OSBPL9: variants seen among roughly 807,000 people sequenced by gnomAD.
OSBPL9 encodes the protein oxysterol-binding protein-related protein 9.
A neutral mutation model predicts 106.6 loss-of-function variants in OSBPL9; 40 were observed. The observed-to-expected ratio is 0.38, with a 90% CI of 0.29 to 0.49. The LOEUF is 0.49. OSBPL9 is among the 20% of genes least tolerant of loss of function. OSBPL9 has a pLI of 0.97. For synonymous variants in OSBPL9, 269 were observed against 295.4 expected (o/e 0.91, Z 0.92); for missense variants, 609 against 887.2 (o/e 0.69, Z 3.98).
upstream of OSBPL9, among the ~76,000 whole-genome samples, chr1:51,573,368 C>CATGGT (rs1645163208): frequency 6.8e-6 from 1 of 147,306 alleles, no homozygotes; most frequent in South Asian, 2.2e-4. Context: ...ATTAGCCGGG[C>CATGGT]ATGGTAGTGC....
intron 3 of OSBPL9, among the ~76,000 whole-genome samples, chr1:51,687,347 A>C (rs1654024612): frequency 1.3e-5 from 2 of 152,238 alleles, no homozygotes; most frequent in Admixed American, 6.5e-5. Context: ...TAACAACCCA[A>C]AAGATAACTA....
intron 1 of OSBPL9, among the ~76,000 whole-genome samples, chr1:51,618,341 C>T (rs1281416900): frequency 2.6e-5 from 4 of 152,052 alleles, no homozygotes; most frequent in Admixed American, 2.6e-4. Context: ...TTTTGACTAT[C>T]CCCTCCACCC....
the OSBPL9 span, among the ~76,000 whole-genome samples, chr1:51,519,637 GTTAC>G: frequency 6.6e-6 from 1 of 152,182 alleles, no homozygotes; most frequent in East Asian, 1.9e-4. Flanking sequence ...TAGAGGCCCA[GTTAC>G]TTACAAAGAC....
chr1:51,519,459 C>T, the OSBPL9 span: 1 of 173,216 alleles, frequency 5.8e-6, no homozygotes, highest in African/African-American at 2.4e-5. Flanking sequence ...GCCGGAGTCT[C>T]GGCCACCGGA....
the OSBPL9 span, among the ~76,000 whole-genome samples, chr1:51,540,083 TC>T: frequency 6.6e-6 from 1 of 152,206 alleles, no homozygotes. Context: ...TTCTTTTAAA[TC>T]CCCTATTCTG....
chr1:51,597,358 A>G (rs1284154434), intron 1 of OSBPL9, among the ~76,000 whole-genome samples: 1 of 151,794 alleles, frequency 6.6e-6, no homozygotes, highest in Admixed American at 6.6e-5. Flanking sequence ...TCAAGTACAC[A>G]GTTAAAATAT....
At chr1:51,781,548 A>G (rs1290623622) in intron 16 of OSBPL9, 1 of 505,610 alleles carries the variant, frequency 2.0e-6, no homozygotes, top group African/African-American at 1.9e-5. Context: ...CAGATCTTGC[A>G]AGGTCTTGTA....
At chr1:51,649,800 A>C (rs757193261) in intron 1 of OSBPL9, among the ~76,000 whole-genome samples, 4 of 144,454 alleles carry the variant, frequency 2.8e-5, no homozygotes, top group Admixed American at 1.4e-4. Context: ...GTAGAATGTC[A>C]CACATTCTGG....
At chr1:51,745,321 CT>C (rs1003858491) in intron 4 of OSBPL9, 1 of 553,044 alleles carries the variant, frequency 1.8e-6, no homozygotes, top group African/African-American at 2.0e-5. Context: ...GCATGTGTAA[CT>C]GCTGAGAAGG....
At chr1:51,587,226 G>A (rs970544854) in intron 1 of OSBPL9, among the ~76,000 whole-genome samples, 3 of 152,196 alleles carry the variant, frequency 2.0e-5, no homozygotes, top group Non-Finnish European at 4.4e-5. Context: ...TTAGCTAGGC[G>A]TGGTGGCATG....
At chr1:51,527,330 G>GTGGTGA in the OSBPL9 span, among the ~76,000 whole-genome samples, 371 of 110,262 alleles carry the variant, frequency 3.4e-3, 4 homozygotes, top group South Asian at 0.026. Context: ...AATGATGATG[G>GTGGTGA]TGATGATGAT....
intron 1 of OSBPL9, among the ~76,000 whole-genome samples, chr1:51,628,508 C>T (rs577722098): frequency 2.0e-5 from 3 of 151,464 alleles, no homozygotes; most frequent in East Asian, 3.9e-4. Context: ...TGCTTGAACC[C>T]GGGAGGTGAA....
chr1:51,646,567 G>A (rs1646167424), intron 1 of OSBPL9, among the ~76,000 whole-genome samples: 1 of 151,962 alleles, frequency 6.6e-6, no homozygotes, highest in African/African-American at 2.4e-5. Flanking sequence ...TTTTTGAGAC[G>A]GAGTTTTGCT....
chr1:51,605,708 C>T (rs1187349634), intron 2 of OSBPL9, among the ~76,000 whole-genome samples: 1 of 152,048 alleles, frequency 6.6e-6, no homozygotes, highest in East Asian at 1.9e-4. Context: ...CTCAGCCGGG[C>T]ACAGTGACTC....
Position 51,789,205 on chromosome 1 carries a change from A to G in OSBPL9, c.*1416A>G, listed in dbSNP as rs916037062. On this transcript the variant is annotated 3_prime_UTR_variant, in exon 24 of 24. Coordinates refer to ENST00000428468, the MANE Select transcript of OSBPL9 (RefSeq NM_024586.6). ...CAAACAAACACATTTTAAAATACAC[A>G]TTGCTTCAGGCCAACGTGACTGCAG... is the stretch of plus-strand genomic sequence containing the variant. The G allele has an allele frequency of 1.3e-6, 2 of 1,581,970 alleles. No individual in the cohort carries two copies. Among genetic ancestry groups the G allele is most frequent in the Non-Finnish European group, 1.7e-6 (2 of 1,151,102 alleles).
chr1:51,695,599 A>G (rs1476445505), intron 3 of OSBPL9, among the ~76,000 whole-genome samples: 1 of 152,192 alleles, frequency 6.6e-6, no homozygotes, highest in Non-Finnish European at 1.5e-5. Context: ...CCTTAAGAAG[A>G]ACTTTGTTCA....
intron 1 of OSBPL9, among the ~76,000 whole-genome samples, chr1:51,586,996 C>A (rs931248509): frequency 6.6e-6 from 1 of 152,218 alleles, no homozygotes; most frequent in Admixed American, 6.5e-5. Context: ...CTCTCAGTTT[C>A]CTCATCTCTA....
the OSBPL9 span, among the ~76,000 whole-genome samples, chr1:51,558,141 G>C: frequency 1.8e-3 from 279 of 152,030 alleles, 1 homozygote; most frequent in African/African-American, 6.0e-3. Flanking sequence ...TTAGCCAGGC[G>C]TAGTGGCGGG....
rs1644924838 is a variant in OSBPL9, at chr1:51,628,702, G to GTGCCCTGTAT, written c.111+11481_111+11482insTGCCCTGTAT. Among the ~76,000 whole-genome samples, 7 of 36,040 alleles carry GTGCCCTGTAT rather than the reference G, an allele frequency of 1.9e-4. No individual in the cohort carries two copies. The Admixed American group carries it at 2.4e-3, about 12-fold the overall frequency. 23.6% of individuals were successfully genotyped at this position (36,040 alleles called of 152,430 possible). A position where few individuals can be genotyped will look rare whatever the true frequency, so the allele number is the denominator to read the frequency against. ...TTTTTTTCTTTTTTTTTTTTTTTTTGAGATGGAGCCTTGCTCTGTTGCCCA... is the reference window on the plus strand; with the variant it reads ...TTTTTTTCTTTTTTTTTTTTTTTTTGTGCCCTGTATAGATGGAGCCTTGCTCTGTTGCCCA... On this transcript the variant is annotated intron_variant, in intron 1 of 23. Coordinates refer to ENST00000428468, the MANE Select transcript of OSBPL9 (RefSeq NM_024586.6).
Sources: allele counts gnomAD v4.1 joint callset (sites outside exome capture counted in the v4.1 genomes callset), GRCh38; gene constraint gnomAD v4.1.1; transcripts MANE v1.5; gene names NCBI Gene and HGNC (gene_info 2026-07-23, HGNC 2026-07-21).